IGSF11: variants seen among roughly 807,000 people sequenced by gnomAD.
IGSF11 encodes the protein immunoglobulin superfamily member 11, also known as CXADR like 1.
A neutral mutation model predicts 41.0 loss-of-function variants in IGSF11; 22 were observed. The observed-to-expected ratio is 0.54, with a 90% confidence interval of 0.38 to 0.77. IGSF11 has a LOEUF of 0.77. Among genes scored for constraint, IGSF11 ranks in the 30% least tolerant of loss-of-function variants. IGSF11 has a pLI of 0.00. For missense variants in IGSF11, 444 were observed against 530.8 expected, an observed-to-expected ratio of 0.84 and a Z score of 1.61; for synonymous variants, 219 against 201.3, an observed-to-expected ratio of 1.09 and a Z score of -0.74.
intron 1 of IGSF11, among the ~76,000 whole-genome samples, chr3:118,931,635 C>T (rs1021282651): frequency 2.6e-5 from 4 of 151,864 alleles, no homozygotes; most frequent in Non-Finnish European, 4.4e-5. Flanking sequence ...CCCGGGGATA[C>T]ACAGGCATAG....
chr3:118,940,908 C>CAAA (rs374776493), intron 1 of IGSF11, among the ~76,000 whole-genome samples: 7 of 99,876 alleles, frequency 7.0e-5, no homozygotes, highest in African/African-American at 2.2e-4. Flanking sequence ...CTCCATATGC[C>CAAA]AAAAAAAAAA....
At chr3:119,085,604 C>T (rs1170591761) in intron 1 of IGSF11, among the ~76,000 whole-genome samples, 1 of 152,168 alleles carries the variant, frequency 6.6e-6, no homozygotes, top group African/African-American at 2.4e-5. Flanking sequence ...CATCAACATC[C>T]AGGTGAAAGT....
intron 1 of IGSF11, among the ~76,000 whole-genome samples, chr3:119,093,953 C>A (rs892911347): frequency 2.0e-5 from 3 of 151,732 alleles, no homozygotes; most frequent in Admixed American, 6.6e-5. Context: ...AGGGAGAAAT[C>A]CAATTAAGAT....
Position 119,034,532 on chromosome 3 carries a change from G to A in IGSF11, c.51C>T (p.His17=), listed in dbSNP as rs780252286. Residue 17 remains histidine, a splice_region_variant and synonymous_variant, in exon 1 of 7, where the codon CAC becomes CAT. Transcript: ENST00000393775. ...GAAGAAAGGGCTGGAGCTACTCACCGTGCAGAGAGAGGAGCAGCAAAGGCG... is the reference window on the plus strand; with the variant it reads ...GAAGAAAGGGCTGGAGCTACTCACCATGCAGAGAGAGGAGCAGCAAAGGCG... ...PLAPLLLLSL[H]GVAASLEVSE... The A allele has an allele frequency of 1.8e-5, 28 of 1,585,330 alleles. No individual in the cohort carries two copies. Among genetic ancestry groups the A allele is most frequent in the Non-Finnish European group, 2.1e-5 (25 of 1,166,684 alleles).
At chr3:119,020,677 T>C (rs35869) in intron 1 of IGSF11, among the ~76,000 whole-genome samples, 121,408 of 152,172 alleles carry the variant, frequency 0.8, 48,726 homozygotes, top group African/African-American at 0.89. Flanking sequence ...TTACAAACTA[T>C]TGAATACATA....
chr3:119,074,566 G>C (rs1287489907), intron 1 of IGSF11, among the ~76,000 whole-genome samples: 1 of 150,894 alleles, frequency 6.6e-6, no homozygotes, highest in Non-Finnish European at 1.5e-5. Flanking sequence ...AAGTTAGAAA[G>C]ATCTGGGCCA....
intron 1 of IGSF11, among the ~76,000 whole-genome samples, chr3:119,057,802 C>T (rs542007165): frequency 6.6e-6 from 1 of 152,214 alleles, no homozygotes; most frequent in South Asian, 2.1e-4. Context: ...AGAACAGAGC[C>T]CTCAGAAATA....
At chr3:119,022,523 A>G (rs917903861) in intron 1 of IGSF11, among the ~76,000 whole-genome samples, 2 of 152,230 alleles carry the variant, frequency 1.3e-5, no homozygotes, top group African/African-American at 4.8e-5. Flanking sequence ...TTTGTGAATT[A>G]TATCTCAATA....
intron 1 of IGSF11, among the ~76,000 whole-genome samples, chr3:119,127,877 C>A (rs1275909859): frequency 1.3e-5 from 2 of 152,204 alleles, no homozygotes; most frequent in African/African-American, 4.8e-5. Flanking sequence ...TACCAGCAGG[C>A]CTGCCCTGCA....
At chr3:119,120,356 G>T (rs1396477633) in intron 1 of IGSF11, among the ~76,000 whole-genome samples, 5 of 152,228 alleles carry the variant, frequency 3.3e-5, no homozygotes, top group Non-Finnish European at 7.3e-5. Flanking sequence ...TGGCTTCTTT[G>T]TCTGGGGTAT....
intron 1 of IGSF11, among the ~76,000 whole-genome samples, chr3:119,130,215 G>A (rs1405580014): frequency 6.6e-6 from 1 of 152,168 alleles, no homozygotes; most frequent in Non-Finnish European, 1.5e-5. Context: ...TTGGAGAATG[G>A]GTGCAGCCCA....
At chr3:119,039,634 T>C (rs917757361), upstream of IGSF11, among the ~76,000 whole-genome samples, 2 of 152,182 alleles carry the variant, frequency 1.3e-5, no homozygotes, top group African/African-American at 4.8e-5. Context: ...TAGTCCCCCA[T>C]TATCTCTCTG....
At chr3:119,110,053 A>G (rs937721678), upstream of IGSF11, among the ~76,000 whole-genome samples, 101 of 151,932 alleles carry the variant, frequency 6.6e-4, no homozygotes, top group Non-Finnish European at 1.1e-3. Context: ...GTGCTGAAAA[A>G]AATGTATATT....
chr3:119,086,061 T>C (rs1325346256), intron 1 of IGSF11, among the ~76,000 whole-genome samples: 1 of 152,200 alleles, frequency 6.6e-6, no homozygotes, highest in Non-Finnish European at 1.5e-5. Context: ...TACAAAGTCA[T>C]TTATGGCATA....
At chr3:119,083,276 T>A (rs1457668341) in intron 1 of IGSF11, among the ~76,000 whole-genome samples, 2 of 151,928 alleles carry the variant, frequency 1.3e-5, no homozygotes, top group Non-Finnish European at 2.9e-5. Flanking sequence ...CAAGCCACCA[T>A]GCCCAGCTAT....
At chr3:119,125,542 G>A (rs954483559) in intron 1 of IGSF11, among the ~76,000 whole-genome samples, 3 of 152,082 alleles carry the variant, frequency 2.0e-5, no homozygotes, top group African/African-American at 7.2e-5. Context: ...ATTGTCACAA[G>A]GGCAGGGAGG....
chr3:119,007,967 G>A (rs929353316), intron 1 of IGSF11, among the ~76,000 whole-genome samples: 2 of 152,032 alleles, frequency 1.3e-5, no homozygotes, highest in African/African-American at 4.8e-5. Context: ...CCTTATCAAA[G>A]TTCCCTAATG....
chr3:119,076,526 A>G (rs1462062166), intron 1 of IGSF11, among the ~76,000 whole-genome samples: 4 of 152,218 alleles, frequency 2.6e-5, no homozygotes, highest in Non-Finnish European at 4.4e-5. Context: ...ACAAAGGGCT[A>G]ATATCCAGAA....
chr3:118,904,500 A>G (rs1375528040), intron 6 of IGSF11, 148 bp downstream of exon 6: 9 of 636,168 alleles, frequency 1.4e-5, no homozygotes, highest in Non-Finnish European at 2.5e-5. Flanking sequence ...CCATGAAGAA[A>G]AGTGATATAC....
Sources: gnomAD v4.1 joint callset for allele counts (sites outside exome capture counted in the v4.1 genomes callset) on GRCh38, gnomAD v4.1.1 for gene constraint, MANE v1.5 for transcripts, NCBI Gene and HGNC (gene_info 2026-07-23, HGNC 2026-07-21) for gene names.